The following GRM8 variants were observed in gnomAD, a reference collection of about 807,000 sequenced individuals.
The protein encoded by GRM8 is glutamate metabotropic receptor 8.
GRM8 carries 47 observed loss-of-function variants against 87.2 expected under a neutral mutation model. That is an observed-to-expected ratio of 0.54 (90% CI 0.43 to 0.69). The LOEUF is 0.69. Ranked by LOEUF, GRM8 falls within the 30% of genes least tolerant of loss-of-function variation. The pLI, the probability that GRM8 is intolerant of heterozygous loss-of-function variation, is 0.00. For missense variants in GRM8, 1,019 were observed against 1,139.2 expected (o/e 0.89, Z 1.52); for synonymous variants, 396 against 404.5 (o/e 0.98, Z 0.25).
At chr7:126,577,431 G>A (rs928550032) in intron 8 of GRM8, among the ~76,000 whole-genome samples, 4 of 152,078 alleles carry the variant, frequency 2.6e-5, no homozygotes, top group Non-Finnish European at 5.9e-5. Flanking sequence ...TAATCTCAGA[G>A]TAGTAACAAA....
At chr7:126,561,783 C>A (rs528469899) in intron 8 of GRM8, among the ~76,000 whole-genome samples, 3 of 110,288 alleles carry the variant, frequency 2.7e-5, no homozygotes, top group African/African-American at 6.9e-5. Context: ...CCCCTCCCCC[C>A]ACCCCACAAC....
chr7:126,636,648 A>G (rs2151190727), intron 7 of GRM8, among the ~76,000 whole-genome samples: 1 of 152,188 alleles, frequency 6.6e-6, no homozygotes, highest in African/African-American at 2.4e-5. Context: ...AAACAAAATC[A>G]GAGACCATAC....
At chr7:126,827,146 G>A in intron 6 of GRM8, among the ~76,000 whole-genome samples, 1 of 152,190 alleles carries the variant, frequency 6.6e-6, no homozygotes, top group Non-Finnish European at 1.5e-5. Flanking sequence ...AAGTCAGGTA[G>A]CGTGATGCCT....
chr7:127,243,975 A>G (rs1252646743), intron 1 of GRM8, among the ~76,000 whole-genome samples: 1 of 152,068 alleles, frequency 6.6e-6, no homozygotes, highest in African/African-American at 2.4e-5. Flanking sequence ...TTAGTGCCTC[A>G]AATTACCCAG....
chr7:126,673,464 T>C (rs529386623), intron 7 of GRM8, among the ~76,000 whole-genome samples: 6 of 152,256 alleles, frequency 3.9e-5, no homozygotes, highest in Middle Eastern at 3.4e-3. Context: ...TTGAGACAAA[T>C]TCTATGTTGC....
intron 3 of GRM8, among the ~76,000 whole-genome samples, chr7:127,082,507 G>A (rs1488795331): frequency 6.6e-6 from 1 of 152,066 alleles, no homozygotes; most frequent in Non-Finnish European, 1.5e-5. Flanking sequence ...ATGATACCAG[G>A]AAATAATTCG....
At chr7:127,182,354 G>T (rs1156812886) in intron 2 of GRM8, among the ~76,000 whole-genome samples, 1 of 152,028 alleles carries the variant, frequency 6.6e-6, no homozygotes, top group East Asian at 1.9e-4. Context: ...GTAGATGTCA[G>T]CATGGATGCA....
intron 3 of GRM8, among the ~76,000 whole-genome samples, chr7:126,939,997 G>A (rs1806738084): frequency 6.6e-6 from 1 of 152,114 alleles, no homozygotes. Flanking sequence ...TAACCTTCAG[G>A]GAGCTGATTG....
intron 6 of GRM8, among the ~76,000 whole-genome samples, chr7:126,891,387 A>T (rs567955475): frequency 3.2e-4 from 49 of 151,998 alleles, no homozygotes; most frequent in Admixed American, 2.4e-3. Flanking sequence ...CTACAGCCAG[A>T]ATAATCTTTC....
At chr7:126,697,458 G>A (rs1049179983) in intron 7 of GRM8, among the ~76,000 whole-genome samples, 1 of 152,072 alleles carries the variant, frequency 6.6e-6, no homozygotes, top group African/African-American at 2.4e-5. Flanking sequence ...TAATGTGCTT[G>A]ACCTTAGTAT....
At chr7:126,946,814 T>G (rs1335566933) in intron 3 of GRM8, among the ~76,000 whole-genome samples, 1 of 152,230 alleles carries the variant, frequency 6.6e-6, no homozygotes, top group Non-Finnish European at 1.5e-5. Context: ...CAATAGTTAA[T>G]TCATACATTC....
intron 9 of GRM8, among the ~76,000 whole-genome samples, chr7:126,516,539 C>G (rs928472513): frequency 2.6e-5 from 4 of 152,040 alleles, no homozygotes; most frequent in African/African-American, 4.8e-5. Context: ...AAGAAGCATG[C>G]TGCTATTGCA....
intron 8 of GRM8, among the ~76,000 whole-genome samples, chr7:126,565,566 T>A (rs1794143752): frequency 6.6e-6 from 1 of 152,032 alleles, no homozygotes; most frequent in Admixed American, 6.6e-5. Flanking sequence ...TGGAAAGACA[T>A]CCTGTATTTA....
intron 6 of GRM8, among the ~76,000 whole-genome samples, chr7:126,891,229 T>C (rs193064752): frequency 6.6e-6 from 1 of 152,188 alleles, no homozygotes; most frequent in East Asian, 1.9e-4. Context: ...CTAAAATGTC[T>C]TTTTATTAAT....
chr7:126,690,716 G>A (rs1264585757), intron 7 of GRM8, among the ~76,000 whole-genome samples: 1 of 152,202 alleles, frequency 6.6e-6, no homozygotes, highest in Non-Finnish European at 1.5e-5. Context: ...GCAGACAAGT[G>A]AAGGGTGAGC....
chr7:127,029,266 A>G (rs983600546), intron 3 of GRM8, among the ~76,000 whole-genome samples: 3 of 152,162 alleles, frequency 2.0e-5, no homozygotes, highest in African/African-American at 4.8e-5. Context: ...TTATGTGGTC[A>G]ATTTTAGAAT....
chr7:127,056,879 C>T (rs1045254361), intron 3 of GRM8, among the ~76,000 whole-genome samples: 1 of 152,146 alleles, frequency 6.6e-6, no homozygotes, highest in Non-Finnish European at 1.5e-5. Flanking sequence ...TACATTTTTA[C>T]TGGAGTTGCA....
At chr7:127,084,561 G>A (rs551761843) in intron 3 of GRM8, 2 of 152,258 alleles carry the variant, frequency 1.3e-5, no homozygotes, top group South Asian at 2.1e-4. Flanking sequence ...CAACATGGGG[G>A]ACATGAGGTT....
chr7:126,909,523 G>T (rs944798105), intron 3 of GRM8, among the ~76,000 whole-genome samples: 2 of 152,136 alleles, frequency 1.3e-5, no homozygotes, highest in Non-Finnish European at 2.9e-5. Flanking sequence ...TTCTGCAGGG[G>T]TGTTACTGTT....
Sources: allele counts gnomAD v4.1 joint callset (sites outside exome capture counted in the v4.1 genomes callset), GRCh38; gene constraint gnomAD v4.1.1; transcripts MANE v1.5; gene names NCBI Gene and HGNC (gene_info 2026-07-23, HGNC 2026-07-21).